Variants in ZNF469 observed in about 807,000 individuals in gnomAD.
The protein encoded by ZNF469 is zinc finger protein 469.
ZNF469 carries 1 observed loss-of-function variant against 1.0 expected under a neutral mutation model. The observed-to-expected ratio is 1.00, with a 90% CI of 0.35 to 4.73. The LOEUF (loss-of-function observed/expected upper bound fraction) is 4.73. ZNF469 is among the 30% of genes most tolerant of loss of function. The pLI, the probability that ZNF469 is intolerant of heterozygous loss-of-function variation, is 0.16. For synonymous variants in ZNF469, 2,703 were observed against 2,363.4 expected (o/e 1.14, Z -4.17); for missense variants, 6,100 against 5,356.3 (o/e 1.14, Z -4.33).
At chr16:88,109,144 C>T in the ZNF469 span, among the ~76,000 whole-genome samples, 3 of 152,214 alleles carry the variant, frequency 2.0e-5, no homozygotes, top group South Asian at 4.1e-4. Flanking sequence ...TGTCACCCCA[C>T]GTAATGCCTT....
chr16:88,379,293 T>C (rs1599338997), upstream of ZNF469, among the ~76,000 whole-genome samples: 1 of 152,218 alleles, frequency 6.6e-6, no homozygotes, highest in East Asian at 1.9e-4. Context: ...GTCAGCAGCC[T>C]GCTGGGCCAG....
At chr16:88,237,189 C>T in the ZNF469 span, among the ~76,000 whole-genome samples, 6 of 67,962 alleles carry the variant, frequency 8.8e-5, no homozygotes, top group East Asian at 4.7e-4. Flanking sequence ...CACTCACCCT[C>T]CCTGCCCTCT....
intron 1 of ZNF469, among the ~76,000 whole-genome samples, chr16:88,416,834 C>T (rs537296222): frequency 1.6e-4 from 24 of 152,302 alleles, no homozygotes; most frequent in East Asian, 7.7e-4. Flanking sequence ...GGAAGTGGCA[C>T]GCTCGCTCCC....
the ZNF469 span, among the ~76,000 whole-genome samples, chr16:88,249,429 C>CTTTTTTTTTTTTTTT: frequency 4.7e-5 from 3 of 63,614 alleles, no homozygotes; most frequent in African/African-American, 2.5e-4. Flanking sequence ...TTTTCTTTTT[C>CTTTTTTTTTTTTTTT]TTTTTTTTTT....
At chr16:88,373,202 C>G in the ZNF469 span, among the ~76,000 whole-genome samples, 1 of 152,234 alleles carries the variant, frequency 6.6e-6, no homozygotes, top group Non-Finnish European at 1.5e-5. Flanking sequence ...GGAAACAAGA[C>G]TTGCCCAAAG....
the ZNF469 span, among the ~76,000 whole-genome samples, chr16:88,292,348 A>T: frequency 2.0e-5 from 3 of 152,140 alleles, no homozygotes. Flanking sequence ...GAGCCGGGAC[A>T]TTGGGTAGCA....
chr16:88,271,526 G>A, the ZNF469 span, among the ~76,000 whole-genome samples: 8 of 140,666 alleles, frequency 5.7e-5, no homozygotes, highest in East Asian at 1.5e-3. Flanking sequence ...GTGGCACGTG[G>A]AAAGGAAGCT....
chr16:88,180,649 C>T, the ZNF469 span, among the ~76,000 whole-genome samples: 2 of 152,146 alleles, frequency 1.3e-5, no homozygotes, highest in African/African-American at 4.8e-5. Flanking sequence ...TAGTGGGTGT[C>T]TGTAATCCCA....
the ZNF469 span, among the ~76,000 whole-genome samples, chr16:88,345,731 CA>C: frequency 6.6e-6 from 1 of 152,160 alleles, no homozygotes; most frequent in Non-Finnish European, 1.5e-5. Flanking sequence ...ACACTGGCTC[CA>C]GCTCTCCTCA....
the ZNF469 span, among the ~76,000 whole-genome samples, chr16:88,327,254 C>T: frequency 7.0e-4 from 107 of 152,278 alleles, no homozygotes; most frequent in African/African-American, 2.3e-3. Context: ...GCCTCCCCGG[C>T]ACTGGTTCTC....
chr16:88,113,451 C>A, the ZNF469 span, among the ~76,000 whole-genome samples: 1 of 152,158 alleles, frequency 6.6e-6, no homozygotes, highest in Non-Finnish European at 1.5e-5. Context: ...GGTGAGTTGC[C>A]ATGGCTTCTG....
At chr16:88,146,991 A>T in the ZNF469 span, among the ~76,000 whole-genome samples, 3 of 152,188 alleles carry the variant, frequency 2.0e-5, no homozygotes, top group Middle Eastern at 3.4e-3. Flanking sequence ...GGTCTGCTGA[A>T]TAACAGCCCC....
the ZNF469 span, among the ~76,000 whole-genome samples, chr16:88,112,771 GCTT>G: frequency 3.0e-5 from 2 of 66,870 alleles, no homozygotes; most frequent in African/African-American, 1.0e-4. Flanking sequence ...CTGTGCAGAA[GCTT>G]TTTTTTTTTT....
chr16:88,429,615 C>A lies in ZNF469; in HGVS notation c.2145C>A (p.His715Gln), dbSNP rs1475586330. 32 of 1,546,712 alleles carry A rather than the reference C, an allele frequency of 2.1e-5. No individual in the cohort carries two copies. In the Admixed American group the frequency reaches 6.3e-4, roughly 30 times the overall value. The change falls in exon 3 of 3, where the codon CAC becomes CAA. Residue 715 changes from histidine (H) to glutamine (Q), a missense_variant. His to Gln is a conservative substitution (Grantham distance 24, BLOSUM62 0). Transcript: ENST00000565624. ...GTGCGCCGCCTCCGTACCCCACACA[C>A]CACTTCTCCCTCAGCAGCGCCAGCC... ...FPRAPPPYPT[H>Q]HFSLSSASLD...
At chr16:88,367,309 T>G in the ZNF469 span, among the ~76,000 whole-genome samples, 21 of 152,230 alleles carry the variant, frequency 1.4e-4, no homozygotes, top group African/African-American at 4.8e-4. Flanking sequence ...AGGCAAGTAT[T>G]CCAAGCCCAC....
In ZNF469 at chr16:88,431,844, C is replaced by G; in HGVS notation, c.4374C>G (p.Asp1458Glu). Residue 1458 changes from aspartate to glutamate, a missense_variant, in exon 3 of 3, where the codon GAC (aspartate) becomes GAG (glutamate). Asp to Glu is a conservative substitution (Grantham distance 45). Transcript: ENST00000565624. ...TGGAGTCCTCATCCCTCTTCCCAGA[C>G]CTGCCGGTGGACAGATTCGACCCAC... Reference protein sequence around the residue: ...PTLESSSLFPDLPVDRFDPPL... With the variant: ...PTLESSSLFPELPVDRFDPPL... 6.5e-7 allele frequency: 1 copy of G among 1,550,022 alleles called. No homozygotes were observed. The highest frequency in any genetic ancestry group is 8.7e-7 in the Non-Finnish European group (1 of 1,146,924).
chr16:88,436,761 G>A lies in ZNF469; in HGVS notation c.9291G>A (p.Gly3097=), dbSNP rs918963104. The change falls in exon 3 of 3, where the codon GGG becomes GGA. Residue 3097 remains glycine, a synonymous_variant. Coordinates refer to ENST00000565624, the MANE Select transcript of ZNF469 (RefSeq NM_001367624.2). The part of the protein sequence containing the change: ...PQSRRTEEAA[G]AGRAQGRGRP... Reference sequence around the variant, plus strand: ...GCCGAAGGACAGAGGAGGCTGCAGGGGCAGGGAGGGCCCAAGGCAGAGGCC... The same window carrying A: ...GCCGAAGGACAGAGGAGGCTGCAGGAGCAGGGAGGGCCCAAGGCAGAGGCC... 2.6e-6 allele frequency: 4 copies of A among 1,547,144 alleles called. No individual in the cohort carries two copies. The highest frequency in any genetic ancestry group is 1.4e-5 in the African/African-American group (1 of 73,054).
chr16:88,381,401 C>T (rs199819205), upstream of ZNF469, among the ~76,000 whole-genome samples: 1 of 151,558 alleles, frequency 6.6e-6, no homozygotes, highest in Non-Finnish European at 1.5e-5. Context: ...CACACACGCA[C>T]TCACACACAG....
chr16:88,410,366 G>A (rs1041498672), intron 1 of ZNF469, among the ~76,000 whole-genome samples: 1 of 152,114 alleles, frequency 6.6e-6, no homozygotes, highest in Non-Finnish European at 1.5e-5. Context: ...GATGGTGCAG[G>A]TCACACAGTT....
Sources: allele counts gnomAD v4.1 joint callset (sites outside exome capture counted in the v4.1 genomes callset), GRCh38; gene constraint gnomAD v4.1.1; transcripts MANE v1.5; gene names NCBI Gene and HGNC (gene_info 2026-07-23, HGNC 2026-07-21).